The following MCEMP1 variants were observed in gnomAD, a reference collection of about 807,000 sequenced individuals.
MCEMP1 encodes the protein mast cell-expressed membrane protein 1.
In MCEMP1, 17 loss-of-function variants were observed where a neutral mutation model predicts 27.9. The observed-to-expected ratio is 0.61, with a 90% CI of 0.42 to 0.91. The LOEUF (loss-of-function observed/expected upper bound fraction) is 0.91. Among genes scored for constraint, MCEMP1 ranks in the 40% least tolerant of loss-of-function variants. The pLI, the probability that MCEMP1 is intolerant of heterozygous loss-of-function variation, is 0.00. For missense variants in MCEMP1, 200 were observed against 204.8 expected (o/e 0.98, Z 0.14); for synonymous variants, 88 against 76.9 (o/e 1.14, Z -0.76).
Position 7,678,852 on chromosome 19 carries a change from G to A in MCEMP1, c.449-72G>A. ...GGGCAGGGGGGGTGCTTCCAAGGAA[G>A]GTGGGGGCTTTGTTTGAGGCTCCAC... On this transcript the variant is annotated intron_variant, in intron 5 of 6. Transcript: ENST00000333598. The surrounding 1 kb of genome is among the most constrained non-coding windows in gnomAD (Gnocchi z 4.8). 3 of 1,428,434 alleles carry A rather than the reference G, an allele frequency of 2.1e-6. No individual in the cohort carries two copies. The Admixed American group carries it at 6.1e-5, about 29-fold the overall frequency. 88.5% of individuals were successfully genotyped at this position (1,428,434 alleles called of 1,614,324 possible).
At position 7,678,407 on chromosome 19, in the gene MCEMP1, G is replaced by A. The variant is rs200784657; in HGVS notation, c.334+7G>A. On this transcript the variant is annotated splice_region_variant and intron_variant, in intron 4 of 6. Transcript: ENST00000333598. This position sits in a 1 kb window ranked among gnomAD's most constrained non-coding sequence, Gnocchi z 4.8. ...AAAAGGGAGCTTTGGAATGGTGAGCGGAGGGTCTGAGGGAGACCCGTGGGG... is the reference window on the plus strand; with the variant it reads ...AAAAGGGAGCTTTGGAATGGTGAGCAGAGGGTCTGAGGGAGACCCGTGGGG... 398 of 1,613,968 alleles carry A rather than the reference G, an allele frequency of 2.5e-4. 1 individual carries two copies. Among genetic ancestry groups the A allele is most frequent in the Non-Finnish European group, 3.1e-4 (365 of 1,180,012 alleles).
In MCEMP1 at chr19:7,678,897, T is replaced by A. The variant is rs1568481226; in HGVS notation, c.449-27T>A. 1.0e-6 allele frequency: 1 copy of A among 993,960 alleles called. No homozygotes were observed. Among genetic ancestry groups the A allele is most frequent in the Non-Finnish European group, 1.6e-6 (1 of 644,790 alleles). The allele number at this position is 993,960 out of a possible 1,614,324, so 61.6% of individuals were successfully genotyped here. A position where few individuals can be genotyped will look rare whatever the true frequency, so the allele number is the denominator to read the frequency against. ...CTCCACCGCAGCTTGACTTATCTGT[T>A]CCCACCCAACCCTCCCCGCCCCCTA... On this transcript the variant is annotated intron_variant, in intron 5 of 6. Transcript: ENST00000333598. The surrounding 1 kb of genome is among the most constrained non-coding windows in gnomAD (Gnocchi z 4.8).
rs545267406 is a variant in MCEMP1, at chr19:7,678,695, C to T, written c.448+91C>T. The T allele has an allele frequency of 5.8e-5, 77 of 1,320,430 alleles. 1 individual carries two copies. The highest frequency in any genetic ancestry group is 6.5e-5 in the Non-Finnish European group (61 of 933,930). 81.8% of individuals were successfully genotyped at this position (1,320,430 alleles called of 1,614,324 possible). ...CAGGGGATTCAGGGGAGGAGAAAGC[C>T]GGGGTCCTACCCTCCCAAAGCTCAA... is the stretch of plus-strand genomic sequence containing the variant. On this transcript the variant is annotated intron_variant, in intron 5 of 6. Transcript: ENST00000333598. This position sits in a 1 kb window ranked among gnomAD's most constrained non-coding sequence, Gnocchi z 4.8.
At position 7,677,430 on chromosome 19, in the gene MCEMP1, T is replaced by C. The variant is rs116805082; in HGVS notation, c.56-207T>C. Reference sequence around the variant, plus strand: ...GCCGGGGGCTCCTTCCCCTCCAAGATGTGTGGATGTGTGTGTGGATGTGTG... The same window carrying C: ...GCCGGGGGCTCCTTCCCCTCCAAGACGTGTGGATGTGTGTGTGGATGTGTG... On this transcript the variant is annotated intron_variant, in intron 1 of 6. Coordinates refer to ENST00000333598, the MANE Select transcript of MCEMP1 (RefSeq NM_174918.3). This position sits in a 1 kb window ranked among gnomAD's most constrained non-coding sequence, Gnocchi z 4.6. Among the ~76,000 whole-genome samples, 897 of 144,938 alleles carry C rather than the reference T, an allele frequency of 6.2e-3. 11 individuals carry two copies. Among genetic ancestry groups the C allele is most frequent in the African/African-American group, 0.022 (861 of 38,742 alleles).
Position 7,677,856 on chromosome 19 carries a change from G to A in MCEMP1, c.145+130G>A, listed in dbSNP as rs1010806234. ...GAAGGAAGAGGTGACAGCTGTTGAC[G>A]TGCTAATGAGGTCTGTTGATGATGA... is the stretch of plus-strand genomic sequence containing the variant. On this transcript the variant is annotated intron_variant, in intron 2 of 6. Coordinates refer to ENST00000333598, the MANE Select transcript of MCEMP1 (RefSeq NM_174918.3). The surrounding 1 kb of genome is among the most constrained non-coding windows in gnomAD (Gnocchi z 4.6). 1.9e-5 allele frequency: 20 copies of A among 1,049,056 alleles called. No homozygotes were observed. The highest frequency in any genetic ancestry group is 1.3e-4 in the African/African-American group (8 of 62,468). The allele number at this position is 1,049,056 out of a possible 1,614,324, so 65.0% of individuals were successfully genotyped here. A position where few individuals can be genotyped will look rare whatever the true frequency, so the allele number is the denominator to read the frequency against.
Position 7,678,855 on chromosome 19 carries a change from G to T in MCEMP1, c.449-69G>T. 7.0e-7 allele frequency: 1 copy of T among 1,434,052 alleles called. No homozygotes were observed. The highest frequency in any genetic ancestry group is 1.3e-5 in the South Asian group (1 of 78,042). The allele number at this position is 1,434,052 out of a possible 1,614,324, so 88.8% of individuals were successfully genotyped here. A position where few individuals can be genotyped will look rare whatever the true frequency, so the allele number is the denominator to read the frequency against. ...CAGGGGGGGTGCTTCCAAGGAAGGT[G>T]GGGGCTTTGTTTGAGGCTCCACCGC... On this transcript the variant is annotated intron_variant, in intron 5 of 6. Transcript: ENST00000333598. The surrounding 1 kb of genome is among the most constrained non-coding windows in gnomAD (Gnocchi z 4.8).
At position 7,678,427 on chromosome 19, in the gene MCEMP1, G is replaced by T. The variant is rs766465194; in HGVS notation, c.334+27G>T. ...TGAGCGGAGGGTCTGAGGGAGACCC[G>T]TGGGGTCATGGTGGGGGTCTGGAGA... is the stretch of plus-strand genomic sequence containing the variant. On this transcript the variant is annotated intron_variant, in intron 4 of 6. Transcript: ENST00000333598. This position sits in a 1 kb window ranked among gnomAD's most constrained non-coding sequence, Gnocchi z 4.8. The T allele has an allele frequency of 3.7e-6, 6 of 1,613,922 alleles. No homozygotes were observed. The highest frequency in any genetic ancestry group is 5.1e-6 in the Non-Finnish European group (6 of 1,179,880).
rs764718971 is a variant in MCEMP1, at chr19:7,678,209, G to A, written c.251G>A (p.Cys84Tyr). 5 of 1,614,096 alleles carry A rather than the reference G, an allele frequency of 3.1e-6. No homozygotes were observed. Among genetic ancestry groups the A allele is most frequent in the Non-Finnish European group, 4.2e-6 (5 of 1,179,992 alleles). ...YILLALAFVLCIILSAFIMVK... is the reference protein window; with the variant it reads ...YILLALAFVLYIILSAFIMVK... Reference sequence around the variant, plus strand: ...CTCCTGGCCCTGGCCTTTGTCCTCTGCATCATCCTGTCAGCCTTCATCATG... The same window carrying A: ...CTCCTGGCCCTGGCCTTTGTCCTCTACATCATCCTGTCAGCCTTCATCATG... The change falls in exon 3 of 7, where the codon TGC becomes TAC. Residue 84 changes from cysteine to tyrosine, a missense_variant. Transcript: ENST00000333598. This position sits in a 1 kb window ranked among gnomAD's most constrained non-coding sequence, Gnocchi z 4.8.
Position 7,679,077 on chromosome 19 carries a change from T to C in MCEMP1, c.509-21T>C. The stretch of plus-strand genomic sequence containing the variant: ...CCCAGGGGCGGGATCTGCCTCACTG[T>C]GGGTCTCTCCCCATCCCCAGAGTCC... On this transcript the variant is annotated intron_variant, in intron 6 of 6. Transcript: ENST00000333598. This position sits in a 1 kb window ranked among gnomAD's most constrained non-coding sequence, Gnocchi z 4.9. 2.5e-6 allele frequency: 4 copies of C among 1,607,972 alleles called. No homozygotes were observed. The highest frequency in any genetic ancestry group is 3.4e-6 in the Non-Finnish European group (4 of 1,176,944).
rs1199528459 is a variant in MCEMP1 at position 7,677,166 on chromosome 19, A to C, written c.46A>C (p.Lys16Gln). ...FRDKKQGVSA[K>Q]NQGAHDPDYE... ...GGACAAGAAACAGGGGGTCTCAGCC[A>C]AGAATCAAGGTTAGGGAACTCGAGG... Residue 16 changes from lysine to glutamine, a missense_variant, in exon 1 of 7, where the codon AAG (lysine) becomes CAG (glutamine). By Grantham distance (53) the Lys-to-Gln change is moderately conservative. Coordinates refer to ENST00000333598, the MANE Select transcript of MCEMP1 (RefSeq NM_174918.3). This position sits in a 1 kb window ranked among gnomAD's most constrained non-coding sequence, Gnocchi z 4.6. 6.9e-6 allele frequency: 11 copies of C among 1,590,434 alleles called. No homozygotes were observed. The South Asian group carries it at 1.3e-4, about 18-fold the overall frequency.
Position 7,677,513 on chromosome 19 carries a change from T to G in MCEMP1, c.56-124T>G, listed in dbSNP as rs1300209349. The G allele has an allele frequency of 2.0e-6, 2 of 997,164 alleles. No individual in the cohort carries two copies. The highest frequency in any genetic ancestry group is 4.8e-5 in the East Asian group (2 of 41,302). The allele number at this position is 997,164 out of a possible 1,614,324, so 61.8% of individuals were successfully genotyped here. A position where few individuals can be genotyped will look rare whatever the true frequency, so the allele number is the denominator to read the frequency against. On this transcript the variant is annotated intron_variant, in intron 1 of 6. Transcript: ENST00000333598. This position sits in a 1 kb window ranked among gnomAD's most constrained non-coding sequence, Gnocchi z 4.6. ...GCTCCACTTAACCAAAAAGCAGATT[T>G]TAGCTTCTCACTCCTTATCTTTCAC... is the stretch of plus-strand genomic sequence containing the variant.
Position 7,678,848 on chromosome 19 carries a change from G to T in MCEMP1, c.449-76G>T. ...TGTGGGGCAGGGGGGGTGCTTCCAA[G>T]GAAGGTGGGGGCTTTGTTTGAGGCT... On this transcript the variant is annotated intron_variant, in intron 5 of 6. Coordinates refer to ENST00000333598, the MANE Select transcript of MCEMP1 (RefSeq NM_174918.3). The surrounding 1 kb of genome is among the most constrained non-coding windows in gnomAD (Gnocchi z 4.8). The T allele has an allele frequency of 7.1e-7, 1 of 1,416,912 alleles. No homozygotes were observed. The highest frequency in any genetic ancestry group is 1.3e-5 in the South Asian group (1 of 76,740). 87.8% of individuals were successfully genotyped at this position (1,416,912 alleles called of 1,614,324 possible).
In MCEMP1 at chr19:7,678,182, T is replaced by A; in HGVS notation, c.224T>A (p.Ile75Asn). Reference protein sequence around the residue: ...WLYRAILSLYILLALAFVLCI... With the variant: ...WLYRAILSLYNLLALAFVLCI... ...TACAGAGCCATCCTGAGCCTGTACA[T>A]CCTCCTGGCCCTGGCCTTTGTCCTC... Residue 75 changes from isoleucine (I) to asparagine (N), a missense_variant, in exon 3 of 7, where the codon ATC (isoleucine) becomes AAC (asparagine). Ile to Asn is a moderately radical substitution (Grantham distance 149). Coordinates refer to ENST00000333598, the MANE Select transcript of MCEMP1 (RefSeq NM_174918.3). The surrounding 1 kb of genome is among the most constrained non-coding windows in gnomAD (Gnocchi z 4.8). 1 of 1,614,096 alleles carries A rather than the reference T, an allele frequency of 6.2e-7. No homozygotes were observed. Among genetic ancestry groups the A allele is most frequent in the Non-Finnish European group, 8.5e-7 (1 of 1,179,994 alleles).
chr19:7,677,539 C>T lies in MCEMP1; in HGVS notation c.56-98C>T, dbSNP rs2032566760. ...TAGCTTCTCACTCCTTATCTTTCACCCCCTACAATTTATTGAGTGCAAAGG... is the reference window on the plus strand; with the variant it reads ...TAGCTTCTCACTCCTTATCTTTCACTCCCTACAATTTATTGAGTGCAAAGG... On this transcript the variant is annotated intron_variant, in intron 1 of 6. Transcript: ENST00000333598. The surrounding 1 kb of genome is among the most constrained non-coding windows in gnomAD (Gnocchi z 4.6). The T allele has an allele frequency of 1.7e-6, 2 of 1,188,668 alleles. No individual in the cohort carries two copies. The highest frequency in any genetic ancestry group is 2.5e-6 in the Non-Finnish European group (2 of 798,898). 73.6% of individuals were successfully genotyped at this position (1,188,668 alleles called of 1,614,324 possible). A position where few individuals can be genotyped will look rare whatever the true frequency, so the allele number is the denominator to read the frequency against.
In MCEMP1 at chr19:7,677,226, G is replaced by T; in HGVS notation, c.55+51G>T. 1 of 1,492,084 alleles carries T rather than the reference G, an allele frequency of 6.7e-7. No homozygotes were observed. The highest frequency in any genetic ancestry group is 9.1e-7 in the Non-Finnish European group (1 of 1,093,466). 92.4% of individuals were successfully genotyped at this position (1,492,084 alleles called of 1,614,324 possible). A position where few individuals can be genotyped will look rare whatever the true frequency, so the allele number is the denominator to read the frequency against. On this transcript the variant is annotated intron_variant, in intron 1 of 6. Transcript: ENST00000333598. The surrounding 1 kb of genome is among the most constrained non-coding windows in gnomAD (Gnocchi z 4.6). ...GGGGTTAAGAAGGAGAGATTGGGGG[G>T]CCGGGGGCTTTTGCTCATGTCTGTA...
rs982605299 is a variant in MCEMP1, at chr19:7,679,233, T to C, written c.*119T>C. 24 of 1,233,430 alleles carry C rather than the reference T, an allele frequency of 1.9e-5. No individual in the cohort carries two copies. The highest frequency in any genetic ancestry group is 3.0e-5 in the Admixed American group (1 of 33,734). The allele number at this position is 1,233,430 out of a possible 1,614,324, so 76.4% of individuals were successfully genotyped here. A position where few individuals can be genotyped will look rare whatever the true frequency, so the allele number is the denominator to read the frequency against. ...GTGTGAACCTGCCCCTCGTCCCACGTATAGAAAAACCTCGAGTCATGGTGA... is the reference window on the plus strand; with the variant it reads ...GTGTGAACCTGCCCCTCGTCCCACGCATAGAAAAACCTCGAGTCATGGTGA... On this transcript the variant is annotated 3_prime_UTR_variant, in exon 7 of 7. Transcript: ENST00000333598. This position sits in a 1 kb window ranked among gnomAD's most constrained non-coding sequence, Gnocchi z 4.9.
Position 7,679,198 on chromosome 19 carries a change from C to T in MCEMP1, c.*84C>T. 4 of 1,420,222 alleles carry T rather than the reference C, an allele frequency of 2.8e-6. No homozygotes were observed. The highest frequency in any genetic ancestry group is 2.8e-5 in the South Asian group (2 of 71,462). 88.0% of individuals were successfully genotyped at this position (1,420,222 alleles called of 1,614,324 possible). On this transcript the variant is annotated 3_prime_UTR_variant, in exon 7 of 7. Transcript: ENST00000333598. This position sits in a 1 kb window ranked among gnomAD's most constrained non-coding sequence, Gnocchi z 4.9. ...ACGAAGACGGGAAATGACCCCCCCC[C>T]CCCAGCCTAGTGTGAACCTGCCCCT...
chr19:7,677,718 C>T lies in MCEMP1; in HGVS notation c.137C>T (p.Thr46Met), dbSNP rs1289510158. The T allele has an allele frequency of 7.5e-6, 12 of 1,605,712 alleles. No homozygotes were observed. The highest frequency in any genetic ancestry group is 4.5e-5 in the South Asian group (4 of 89,876). Residue 46 changes from threonine (T) to methionine (M), a missense_variant, in exon 2 of 7, where the codon ACG becomes ATG. Coordinates refer to ENST00000333598, the MANE Select transcript of MCEMP1 (RefSeq NM_174918.3). This position sits in a 1 kb window ranked among gnomAD's most constrained non-coding sequence, Gnocchi z 4.6. ...GCAAAGGGTGGTCATTCACGACCCA[C>T]GAGCCAAGGTGAGCAGACACCCACC... ...DHAKGGHSRPTSQVPAQCRPP... is the reference protein window; with the variant it reads ...DHAKGGHSRPMSQVPAQCRPP...
In MCEMP1 at chr19:7,677,621, C is replaced by T. The variant is rs760670775; in HGVS notation, c.56-16C>T. The T allele has an allele frequency of 9.3e-6, 15 of 1,604,370 alleles. No homozygotes were observed. Among genetic ancestry groups the T allele is most frequent in the African/African-American group, 4.0e-5 (3 of 74,746 alleles). On this transcript the variant is annotated splice_polypyrimidine_tract_variant and intron_variant, in intron 1 of 6. Coordinates refer to ENST00000333598, the MANE Select transcript of MCEMP1 (RefSeq NM_174918.3). This position sits in a 1 kb window ranked among gnomAD's most constrained non-coding sequence, Gnocchi z 4.6. ...CCACACCACAGAGCTCTGAGCAGAT[C>T]TCCAACCCCTCCCAGGTGCCCATGA...
Sources: allele counts gnomAD v4.1 joint callset (sites outside exome capture counted in the v4.1 genomes callset), GRCh38; gene constraint gnomAD v4.1.1; non-coding constraint Gnocchi (gnomAD v3.1); transcripts MANE v1.5; gene names NCBI Gene and HGNC (gene_info 2026-07-23, HGNC 2026-07-21).